Variants in ITPR1 observed in about 807,000 individuals in gnomAD.
The protein encoded by ITPR1 is inositol 1,4,5-trisphosphate-gated calcium channel ITPR1.
In ITPR1, 96 loss-of-function variants were observed where a neutral mutation model predicts 318.4. The ratio of observed to expected loss-of-function variants is 0.30; its 90% CI spans 0.26 to 0.36. The LOEUF is 0.36. ITPR1 is among the 10% of genes least tolerant of loss of function. The pLI, the probability that ITPR1 is intolerant of heterozygous loss-of-function variation, is 1.00. For missense variants in ITPR1, 2,440 were observed against 3,460.2 expected (o/e 0.71, Z 7.40); for synonymous variants, 1,312 against 1,289.9 (o/e 1.02, Z -0.37).
At chr3:4,800,681 G>T (rs981379928) in intron 54 of ITPR1, 81 bp downstream of exon 54, 1 of 1,411,846 alleles carries the variant, frequency 7.1e-7, no homozygotes, top group African/African-American at 1.4e-5. Flanking sequence ...TAGAATCCTG[G>T]CCTGTGCTTT....
rs567377604 is a variant in ITPR1, at chr3:4,755,819, G to A, written c.5545-10711G>A. Among the ~76,000 whole-genome samples, 81 of 152,352 alleles carry A rather than the reference G, an allele frequency of 5.3e-4. 2 individuals are homozygous for A. In the South Asian group the frequency reaches 0.017, roughly 31 times the overall value. On this transcript the variant is annotated intron_variant, in intron 44 of 61. Coordinates refer to ENST00000649015, the MANE Select transcript of ITPR1 (RefSeq NM_001378452.1). ...TCACTTGTTAAAAGGTGACTGTACA[G>A]TGTGGATGAGGGAGGACCTTATTTC...
intron 44 of ITPR1, among the ~76,000 whole-genome samples, chr3:4,755,739 C>G (rs558858057): frequency 2.0e-5 from 3 of 152,318 alleles, no homozygotes; most frequent in East Asian, 3.9e-4. Context: ...TCAGGCATAG[C>G]GAAGGGCGTC....
intron 4 of ITPR1, among the ~76,000 whole-genome samples, chr3:4,584,555 G>A (rs1321095222): frequency 1.7e-4 from 7 of 41,128 alleles, no homozygotes; most frequent in Non-Finnish European, 3.2e-4. Context: ...CAGAGAGTTA[G>A]TGGGTTTTTT....
At chr3:4,497,797 A>G (rs917376386) in intron 2 of ITPR1, among the ~76,000 whole-genome samples, 6 of 149,144 alleles carry the variant, frequency 4.0e-5, no homozygotes, top group African/African-American at 1.5e-4. Flanking sequence ...GCCAAAAGGT[A>G]GAAACAACAC....
intron 4 of ITPR1, among the ~76,000 whole-genome samples, chr3:4,617,511 C>T (rs1414482488): frequency 2.0e-5 from 3 of 152,178 alleles, no homozygotes; most frequent in Admixed American, 6.5e-5. Context: ...GATAGTGAAG[C>T]CCTCTAATCA....
intron 12 of ITPR1, among the ~76,000 whole-genome samples, chr3:4,654,269 G>T (rs1239011919): frequency 6.6e-6 from 1 of 152,168 alleles, no homozygotes; most frequent in East Asian, 1.9e-4. Context: ...AGCTTTTTCA[G>T]GGAGTAAGTA....
intron 60 of ITPR1, among the ~76,000 whole-genome samples, chr3:4,835,619 T>G (rs1328341048): frequency 2.6e-5 from 4 of 152,200 alleles, no homozygotes; most frequent in African/African-American, 9.6e-5. Context: ...CCATTAAATG[T>G]ATCCTTACAA....
intron 33 of ITPR1, among the ~76,000 whole-genome samples, chr3:4,695,054 A>G (rs2094536584): frequency 6.6e-6 from 1 of 152,208 alleles, no homozygotes; most frequent in African/African-American, 2.4e-5. Flanking sequence ...ATCAATTCAT[A>G]AAAAGATGCC....
intron 6 of ITPR1, 106 bp from the exon 7 acceptor site, chr3:4,641,987 C>G: frequency 1.2e-6 from 1 of 852,724 alleles, no homozygotes; most frequent in East Asian, 2.8e-5. Flanking sequence ...ACCAGCAGCT[C>G]AATGGTGGGA....
At chr3:4,596,716 G>A (rs1468978616) in intron 4 of ITPR1, among the ~76,000 whole-genome samples, 2 of 152,154 alleles carry the variant, frequency 1.3e-5, no homozygotes, top group African/African-American at 4.8e-5. Flanking sequence ...AGAGCTGCTC[G>A]TTAGCTGCTG....
intron 12 of ITPR1, 143 bp downstream of exon 12, chr3:4,654,029 C>T: frequency 1.6e-6 from 1 of 609,426 alleles, no homozygotes; most frequent in Non-Finnish European, 2.9e-6. Context: ...CGATCATGTT[C>T]TGTGCTTCCC....
chr3:4,513,548 G>A (rs542213075), intron 2 of ITPR1, among the ~76,000 whole-genome samples: 1 of 152,260 alleles, frequency 6.6e-6, no homozygotes, highest in East Asian at 1.9e-4. Flanking sequence ...AGGGGGAGAT[G>A]TAAAATGTAG....
chr3:4,783,734 A>C (rs1559888755), intron 50 of ITPR1, 82 bp from the exon 51 acceptor site: 1 of 1,119,642 alleles, frequency 8.9e-7, no homozygotes, highest in Non-Finnish European at 1.3e-6. Flanking sequence ...TGCATTTTTA[A>C]ATACCCAACA....
Position 4,800,489 on chromosome 3 carries a change from C to T in ITPR1, c.6996C>T (p.Val2332=), listed in dbSNP as rs768688010. Residue 2332 remains valine, a synonymous_variant, in exon 54 of 62, where the codon GTC becomes GTT. Transcript: ENST00000649015. The part of the protein sequence containing the change: ...WTAMLISLAI[V]IALPKPHGIR... The stretch of plus-strand genomic sequence containing the variant: ...CCATGCTCATCTCTCTGGCCATCGT[C>T]ATTGCCCTCCCCAAGCCCCATGGCA... 1 of 1,614,048 alleles carries T rather than the reference C, an allele frequency of 6.2e-7. No individual in the cohort carries two copies. The highest frequency in any genetic ancestry group is 8.5e-7 in the Non-Finnish European group (1 of 1,179,878).
intron 31 of ITPR1, among the ~76,000 whole-genome samples, chr3:4,690,291 A>C (rs552578955): frequency 5.9e-5 from 9 of 152,294 alleles, no homozygotes; most frequent in Non-Finnish European, 1.2e-4. Flanking sequence ...ATAAATAAGT[A>C]AATAAGAACG....
chr3:4,718,815 A>G (rs1335305314), intron 40 of ITPR1, among the ~76,000 whole-genome samples: 1 of 152,176 alleles, frequency 6.6e-6, no homozygotes, highest in Admixed American at 6.5e-5. Context: ...CCTGTTTAGC[A>G]TTCCTTCTTC....
At chr3:4,718,182 T>C (rs2125294382) in intron 40 of ITPR1, among the ~76,000 whole-genome samples, 1 of 152,364 alleles carries the variant, frequency 6.6e-6, no homozygotes, top group Admixed American at 6.5e-5. Flanking sequence ...TTGTGACACA[T>C]GCTAGGTAAA....
rs112117969 is a variant in ITPR1, at chr3:4,617,727, T to C, written c.164-10036T>C. ...GGCTGGGCTTGGTGGCACATGCCTATAATCCCAGCACTTTGGGAGGCCAAG... is the reference window on the plus strand; with the variant it reads ...GGCTGGGCTTGGTGGCACATGCCTACAATCCCAGCACTTTGGGAGGCCAAG... On this transcript the variant is annotated intron_variant, in intron 4 of 61. Coordinates refer to ENST00000649015, the MANE Select transcript of ITPR1 (RefSeq NM_001378452.1). Among the ~76,000 whole-genome samples, 517 of 152,104 alleles carry C rather than the reference T, an allele frequency of 3.4e-3. 2 individuals carry two copies. The highest frequency in any genetic ancestry group is 0.012 in the African/African-American group (492 of 41,478).
intron 4 of ITPR1, among the ~76,000 whole-genome samples, chr3:4,609,051 A>AAAATATATATATATATATATAT: frequency 2.1e-5 from 1 of 46,568 alleles, no homozygotes; most frequent in African/African-American, 5.4e-5. Flanking sequence ...ACAACAACGA[A>AAAATATATATATATATATATAT]ATATATATAT....
Sources: gnomAD v4.1 joint callset for allele counts (sites outside exome capture counted in the v4.1 genomes callset) on GRCh38, gnomAD v4.1.1 for gene constraint, MANE v1.5 for transcripts, NCBI Gene and HGNC (gene_info 2026-07-23, HGNC 2026-07-21) for gene names.